UNC5A: variants seen among roughly 807,000 people sequenced by gnomAD.
The protein encoded by UNC5A is netrin receptor UNC5A.
In UNC5A, 20 loss-of-function variants were observed where a neutral mutation model predicts 87.4. The ratio of observed to expected loss-of-function variants is 0.23; its 90% confidence interval spans 0.16 to 0.33. UNC5A has a LOEUF of 0.33. UNC5A is among the 10% of genes least tolerant of loss of function. The pLI, the probability that UNC5A is intolerant of heterozygous loss-of-function variation, is 1.00. For missense variants in UNC5A, 844 were observed against 1,133.4 expected (o/e 0.74, Z 3.67); for synonymous variants, 438 against 482.3 (o/e 0.91, Z 1.20).
intron 8 of UNC5A, among the ~76,000 whole-genome samples, chr5:176,876,024 C>T (rs1172570212): frequency 6.6e-6 from 1 of 152,234 alleles, no homozygotes; most frequent in African/African-American, 2.4e-5. Flanking sequence ...CTCCCCAGGC[C>T]GGGGGGTGGC....
intron 1 of UNC5A, among the ~76,000 whole-genome samples, chr5:176,812,522 G>A (rs1252135571): frequency 1.3e-5 from 2 of 152,252 alleles, no homozygotes; most frequent in African/African-American, 2.4e-5. Context: ...TGTGACGGCT[G>A]TGTGCAGTTG....
rs1036680726 is a variant in UNC5A at position 176,874,067 on chromosome 5, G to A, written c.986G>A (p.Arg329Gln). ...LLLVLILVYC[R>Q]KKEGLDSDVA... is the part of the protein sequence containing the mutation. ...CTTGTCCTCATCCTCGTTTATTGCC[G>A]GAAGAAGGAGGGGCTGGACTCAGAT... The change falls in exon 7 of 15, where the codon CGG becomes CAG. Residue 329 changes from arginine (R) to glutamine (Q), a missense_variant. By Grantham distance (43) the Arg-to-Gln change is conservative. This residue lies in a region of UNC5A where 314 missense variants were observed against 466.5 expected (regional missense o/e 0.67). Transcript: ENST00000329542. This position sits in a 1 kb window ranked among gnomAD's most constrained non-coding sequence, Gnocchi z 7.6. The A allele has an allele frequency of 2.5e-5, 40 of 1,613,922 alleles. No homozygotes were observed. In the Admixed American group the frequency reaches 5.8e-4, roughly 24 times the overall value.
chr5:176,847,384 T>C (rs998467560), intron 1 of UNC5A, among the ~76,000 whole-genome samples: 1 of 152,160 alleles, frequency 6.6e-6, no homozygotes, highest in African/African-American at 2.4e-5. Flanking sequence ...CTCCCTTCTA[T>C]GGGGACGCCT....
intron 13 of UNC5A, among the ~76,000 whole-genome samples, 178 bp from the exon 14 acceptor site, chr5:176,879,132 G>A (rs1033111988): frequency 1.3e-5 from 2 of 152,222 alleles, no homozygotes; most frequent in Admixed American, 6.5e-5. Context: ...TGGGCAGGTC[G>A]CTGCACCTCC....
chr5:176,828,814 T>C (rs57254274), intron 1 of UNC5A, among the ~76,000 whole-genome samples: 3,053 of 151,220 alleles, frequency 0.02, 90 homozygotes, highest in African/African-American at 0.07. Flanking sequence ...GATGGGTGGA[T>C]GGGTGGATGG....
chr5:176,870,701 C>A, intron 6 of UNC5A, 167 bp downstream of exon 6: 1 of 744,390 alleles, frequency 1.3e-6, no homozygotes, highest in Non-Finnish European at 2.1e-6. Context: ...GCACATGGGC[C>A]CAGGCGCGCC....
Position 176,880,189 on chromosome 5 carries a change from T to G in UNC5A, c.*303T>G. The G allele has an allele frequency of 3.3e-6, 1 of 302,682 alleles. No individual in the cohort carries two copies. The allele number at this position is 302,682 out of a possible 1,614,324, so 18.7% of individuals were successfully genotyped here. On this transcript the variant is annotated 3_prime_UTR_variant, in exon 15 of 15. Transcript: ENST00000329542. ...GTGTATGTGCGTGTGATGCTACCTC[T>G]CCTCCCGTCCCTCTCCAGGGGCCCC... is the stretch of plus-strand genomic sequence containing the variant.
rs1460065041 is a variant in UNC5A at position 176,871,869 on chromosome 5, CG to C, written c.886+1336del. 2.2e-3 allele frequency among the ~76,000 whole-genome samples: 27 copies of C among 12,028 alleles called. 1 individual carries two copies. The highest frequency in any genetic ancestry group is 3.5e-3 in the African/African-American group (22 of 6,348). The allele number at this position is 12,028 out of a possible 152,430, so 7.9% of individuals were successfully genotyped here. A position where few individuals can be genotyped will look rare whatever the true frequency, so the allele number is the denominator to read the frequency against. On this transcript the variant is annotated intron_variant, in intron 6 of 14. Coordinates refer to ENST00000329542, the MANE Select transcript of UNC5A (RefSeq NM_133369.3). ...CCACAGCTTCCCATCTGCCCACACTCGCCCAACACCACAGCTTCCCATCTGC... is the reference window on the plus strand; with the variant it reads ...CCACAGCTTCCCATCTGCCCACACTCCCCAACACCACAGCTTCCCATCTGC...
intron 1 of UNC5A, among the ~76,000 whole-genome samples, chr5:176,823,697 T>G (rs1756784845): frequency 6.7e-6 from 1 of 148,872 alleles, no homozygotes; most frequent in Non-Finnish European, 1.5e-5. Flanking sequence ...TATGGGACAG[T>G]CAGGGAGACC....
At chr5:176,830,190 C>G (rs1401463077) in intron 1 of UNC5A, among the ~76,000 whole-genome samples, 1 of 152,218 alleles carries the variant, frequency 6.6e-6, no homozygotes, top group Non-Finnish European at 1.5e-5. Context: ...AGACAGACCA[C>G]CTCCGCCAGG....
rs998641521 is a variant in UNC5A, at chr5:176,869,266, G to T, written c.721+302G>T. Among the ~76,000 whole-genome samples, 6 of 152,142 alleles carry T rather than the reference G, an allele frequency of 3.9e-5. No individual in the cohort carries two copies. Among genetic ancestry groups the T allele is most frequent in the African/African-American group, 4.8e-5 (2 of 41,440 alleles). ...CTGTCCCCACTCCTGAGTCTCCAAG[G>T]GGGGAATCAGAAGCCACACAGTCCA... On this transcript the variant is annotated intron_variant, in intron 5 of 14. Transcript: ENST00000329542. The surrounding 1 kb of genome is among the most constrained non-coding windows in gnomAD (Gnocchi z 9.1).
Position 176,880,069 on chromosome 5 carries a change from T to C in UNC5A, c.*183T>C, listed in dbSNP as rs1758379408. The C allele has an allele frequency of 1.3e-6, 1 of 775,018 alleles. No homozygotes were observed. The highest frequency in any genetic ancestry group is 3.1e-5 in the Admixed American group (1 of 32,122). 48.0% of individuals were successfully genotyped at this position (775,018 alleles called of 1,614,324 possible). ...CCCGAACTCCCACCTCTCCATGGCC[T>C]GCCTAGCCAGGCTGGCACTGCCACT... is the stretch of plus-strand genomic sequence containing the variant. On this transcript the variant is annotated 3_prime_UTR_variant, in exon 15 of 15. Coordinates refer to ENST00000329542, the MANE Select transcript of UNC5A (RefSeq NM_133369.3).
At chr5:176,859,100 A>AATG (rs1427955751) in intron 1 of UNC5A, among the ~76,000 whole-genome samples, 10 of 141,288 alleles carry the variant, frequency 7.1e-5, no homozygotes, top group African/African-American at 2.4e-4. Context: ...TAGCTGCTAG[A>AATG]ATGTCCTTGC....
At position 176,877,610 on chromosome 5, in the gene UNC5A, G is replaced by T. The variant is rs774190473; in HGVS notation, c.1542G>T (p.Arg514=). The T allele has an allele frequency of 2.5e-6, 4 of 1,612,406 alleles. No individual in the cohort carries two copies. The highest frequency in any genetic ancestry group is 1.7e-6 in the Non-Finnish European group (2 of 1,179,620). Residue 514 remains arginine (R), a synonymous_variant, in exon 10 of 15, where the codon CGG becomes CGT. Transcript: ENST00000329542. The part of the protein sequence containing the change: ...SCGPPGVLLT[R]PVILAMDHCG... ...GACCCCCTGGCGTCCTGCTCACCCG[G>T]CCAGTCATCCTGGCTATGGACCACT...
intron 8 of UNC5A, among the ~76,000 whole-genome samples, chr5:176,876,775 T>C (rs550565117): frequency 6.6e-6 from 1 of 152,258 alleles, no homozygotes; most frequent in Admixed American, 6.5e-5. Context: ...TAGCACTGGC[T>C]GGGCTAGAGA....
chr5:176,831,274 G>A (rs751166209), intron 1 of UNC5A, among the ~76,000 whole-genome samples: 15 of 152,172 alleles, frequency 9.9e-5, no homozygotes, highest in African/African-American at 3.1e-4. Context: ...CTGCCAGCCC[G>A]GGCCAGGGCT....
rs1017636916 is a variant in UNC5A at position 176,825,522 on chromosome 5, C to T, written c.70+14702C>T. Among the ~76,000 whole-genome samples, 3 of 152,324 alleles carry T rather than the reference C, an allele frequency of 2.0e-5. No individual in the cohort carries two copies. The East Asian group carries it at 5.8e-4, about 29-fold the overall frequency. ...ACAGGACACAGAGGCCATTTGGAAT[C>T]TGCAGAGCATGGAAGGATACCAGGT... On this transcript the variant is annotated intron_variant, in intron 1 of 14. Coordinates refer to ENST00000329542, the MANE Select transcript of UNC5A (RefSeq NM_133369.3).
chr5:176,855,203 T>C (rs1757636227), intron 1 of UNC5A, among the ~76,000 whole-genome samples: 3 of 152,254 alleles, frequency 2.0e-5, no homozygotes, highest in Admixed American at 6.5e-5. Context: ...GTGAATAGCC[T>C]GCCTTTACCC....
intron 1 of UNC5A, among the ~76,000 whole-genome samples, chr5:176,836,324 T>A (rs1171407530): frequency 6.6e-6 from 1 of 152,192 alleles, no homozygotes; most frequent in East Asian, 1.9e-4. Flanking sequence ...ATGCTTGTGG[T>A]CACGCCTCCT....
Sources: allele counts gnomAD v4.1 joint callset (sites outside exome capture counted in the v4.1 genomes callset), GRCh38; gene constraint gnomAD v4.1.1; regional missense constraint gnomAD v4.1.1; non-coding constraint Gnocchi (gnomAD v3.1); transcripts MANE v1.5; gene names NCBI Gene and HGNC (gene_info 2026-07-23, HGNC 2026-07-21).